COL12A1: variants seen among roughly 807,000 people sequenced by gnomAD.
COL12A1 encodes the protein collagen type XII alpha 1 chain, also known as collagen alpha-1(XII) chain.
In COL12A1, 114 loss-of-function variants were observed where a neutral mutation model predicts 349.7. That is an observed-to-expected ratio of 0.33 (90% CI 0.28 to 0.38). The LOEUF is 0.38. Ranked by LOEUF, COL12A1 falls within the 10% of genes least tolerant of loss-of-function variation. The pLI is 1.00. For missense variants in COL12A1, 3,284 were observed against 3,756.9 expected (o/e 0.87, Z 3.29); for synonymous variants, 1,369 against 1,329.0 (o/e 1.03, Z -0.66).
At chr6:75,102,085 CG>C (rs1221544729) in intron 56 of COL12A1, 33 bp from the exon 57 acceptor site, 9 of 1,604,614 alleles carry the variant, frequency 5.6e-6, no homozygotes, top group Non-Finnish European at 7.7e-6. Flanking sequence ...AGTTCTCAGG[CG>C]TTTCACAGAG....
chr6:75,100,379 A>T (rs892206777), intron 58 of COL12A1, among the ~76,000 whole-genome samples: 1 of 152,166 alleles, frequency 6.6e-6, no homozygotes. Flanking sequence ...AAGTCAGCCC[A>T]TTGCCACTTC....
intron 33 of COL12A1, 50 bp from the exon 34 acceptor site, chr6:75,133,472 G>A: frequency 6.4e-7 from 1 of 1,560,502 alleles, no homozygotes; most frequent in South Asian, 1.2e-5. Context: ...ATTTGTGAAA[G>A]AAATAATAAT....
At chr6:75,151,658 T>C (rs185104592) in intron 20 of COL12A1, among the ~76,000 whole-genome samples, 6 of 152,306 alleles carry the variant, frequency 3.9e-5, no homozygotes, top group African/African-American at 1.4e-4. Context: ...CTTCTTGATC[T>C]ATTAATTTTC....
chr6:75,088,481 GAGGA>G (rs928490168), intron 64 of COL12A1, among the ~76,000 whole-genome samples: 104 of 151,300 alleles, frequency 6.9e-4, no homozygotes, highest in African/African-American at 2.4e-3. Context: ...AATAGGAAGG[GAGGA>G]AGGAAGGAAG....
At chr6:75,122,731 A>G (rs1765808139) in intron 43 of COL12A1, among the ~76,000 whole-genome samples, 1 of 152,252 alleles carries the variant, frequency 6.6e-6, no homozygotes, top group Non-Finnish European at 1.5e-5. Context: ...TGCTGGAAAC[A>G]GCATATGAGA....
At position 75,126,486 on chromosome 6, in the gene COL12A1, GAC is replaced by G. The variant is rs1205685373; in HGVS notation, c.6341-18_6341-17del. The G allele has an allele frequency of 6.2e-7, 1 of 1,606,908 alleles. No homozygotes were observed. The highest frequency in any genetic ancestry group is 2.2e-5 in the East Asian group (1 of 44,642). On this transcript the variant is annotated splice_polypyrimidine_tract_variant and intron_variant, in intron 38 of 65. Transcript: ENST00000322507. ...AGGAGTCCCACTGAAAACAAACATT[GAC>G]ACACATTACTGACCTTTTATTGGCA...
At chr6:75,148,291 A>G in intron 22 of COL12A1, 67 bp downstream of exon 22, 2 of 1,477,800 alleles carry the variant, frequency 1.4e-6, no homozygotes, top group Non-Finnish European at 9.2e-7. Flanking sequence ...CATTATTCTC[A>G]GAGTCCTAAT....
intron 58 of COL12A1, among the ~76,000 whole-genome samples, chr6:75,098,746 G>A (rs1209178130): frequency 6.6e-5 from 10 of 151,900 alleles, no homozygotes; most frequent in Admixed American, 6.5e-4. Context: ...GTTAATTTTT[G>A]TAGTGCTCTG....
chr6:75,175,099 C>T lies in COL12A1; in HGVS notation c.2649G>A (p.Val883=). ...CAGCCCCAGACGCATACAAGGCTGT[C>T]ACAGATAAGGCGTATTGTGTCCCTT... ...LKEGTQYALS[V]TALYASGAGD... The change falls in exon 13 of 66, where the codon GTG becomes GTA. Residue 883 remains valine, a synonymous_variant. Coordinates refer to ENST00000322507, the MANE Select transcript of COL12A1 (RefSeq NM_004370.6). 1.2e-6 allele frequency: 2 copies of T among 1,614,164 alleles called. No individual in the cohort carries two copies. Among genetic ancestry groups the T allele is most frequent in the Middle Eastern group, 3.3e-4 (2 of 6,062 alleles).
At position 75,143,205 on chromosome 6, in the gene COL12A1, T is replaced by C. The variant is rs369080580; in HGVS notation, c.4827+47A>G. ...CTTGATAAAGTTCTTTTTTTAAACC[T>C]ACTAGGAAAACAAATATTTTCATAT... On this transcript the variant is annotated intron_variant, in intron 26 of 65. Transcript: ENST00000322507. 1.1e-5 allele frequency: 17 copies of C among 1,607,270 alleles called. No homozygotes were observed. The African/African-American group carries it at 2.3e-4, about 22-fold the overall frequency.
At position 75,138,323 on chromosome 6, in the gene COL12A1, GTGT is replaced by G; in HGVS notation, c.5245_5247del (p.Thr1749del). The G allele has an allele frequency of 1.2e-6, 2 of 1,608,692 alleles. No homozygotes were observed. Among genetic ancestry groups the G allele is most frequent in the Non-Finnish European group, 1.7e-6 (2 of 1,177,396 alleles). ...ATTCATCAAATTAAATTCTTACCTTGTGTTGTTAAGATAGGCACTAAAAGAAAA... is the reference window on the plus strand; with the variant it reads ...ATTCATCAAATTAAATTCTTACCTTGTGTTAAGATAGGCACTAAAAGAAAA... On this transcript the variant is annotated inframe_deletion, in exon 30 of 66. Coordinates refer to ENST00000322507, the MANE Select transcript of COL12A1 (RefSeq NM_004370.6).
At chr6:75,191,044 A>T (rs1769901348) in intron 5 of COL12A1, among the ~76,000 whole-genome samples, 1 of 151,890 alleles carries the variant, frequency 6.6e-6, no homozygotes, top group African/African-American at 2.4e-5. Flanking sequence ...GAAACCCCTT[A>T]AGGATCTATC....
At chr6:75,107,424 C>T (rs577211857) in intron 52 of COL12A1, among the ~76,000 whole-genome samples, 17 of 152,182 alleles carry the variant, frequency 1.1e-4, no homozygotes, top group Middle Eastern at 3.4e-3. Flanking sequence ...GCGCCCACTA[C>T]CACGCCCAGC....
chr6:75,095,649 AAAGAT>A (rs1272841858), intron 59 of COL12A1, among the ~76,000 whole-genome samples: 2 of 140,290 alleles, frequency 1.4e-5, no homozygotes, highest in African/African-American at 5.2e-5. Flanking sequence ...AAAAAAAAAA[AAAGAT>A]AACATGAAAT....
intron 47 of COL12A1, 141 bp downstream of exon 47, chr6:75,117,241 C>G: frequency 1.3e-6 from 1 of 757,842 alleles, no homozygotes; most frequent in Non-Finnish European, 2.1e-6. Context: ...GCAATAGGAA[C>G]AGTGATTCAT....
chr6:75,085,176 G>A lies in COL12A1; in HGVS notation c.*1371C>T, dbSNP rs1034794124. The A allele has an allele frequency of 4.3e-6, 2 of 460,216 alleles. No homozygotes were observed. The highest frequency in any genetic ancestry group is 9.0e-6 in the Non-Finnish European group (2 of 222,970). The allele number at this position is 460,216 out of a possible 1,614,324, so 28.5% of individuals were successfully genotyped here. On this transcript the variant is annotated 3_prime_UTR_variant, in exon 66 of 66. Coordinates refer to ENST00000322507, the MANE Select transcript of COL12A1 (RefSeq NM_004370.6). ...CCTCCCCCAAGCCTCGCGGCGCGGC[G>A]CGTGATCTCTGGTTCACTGCCCGGG...
rs548978005 is a variant in COL12A1, at chr6:75,189,735, T to C, written c.475A>G (p.Ile159Val). 18 of 1,613,320 alleles carry C rather than the reference T, an allele frequency of 1.1e-5. No homozygotes were observed. Among genetic ancestry groups the C allele is most frequent in the Non-Finnish European group, 1.4e-5 (17 of 1,179,400 alleles). The change falls in exon 6 of 66, where the codon ATT becomes GTT. Residue 159 changes from isoleucine to valine, a missense_variant. Ile to Val is a conservative substitution (Grantham distance 29, BLOSUM62 3). This residue lies in a region of COL12A1 where 2,601 missense variants were observed against 2,824.8 expected (regional missense o/e 0.92). Coordinates refer to ENST00000322507, the MANE Select transcript of COL12A1 (RefSeq NM_004370.6). The stretch of plus-strand genomic sequence containing the variant: ...ACAAGAGCAGCAATGAAGTCTAAAA[T>C]GTACTTGAAATTATTTCTTCCCACA... ...WSVGRNNFKY[I>V]LDFIAALVSA...
chr6:75,179,892 T>C (rs1769172707), intron 11 of COL12A1, among the ~76,000 whole-genome samples: 1 of 152,246 alleles, frequency 6.6e-6, no homozygotes, highest in Admixed American at 6.5e-5. Flanking sequence ...GGAGTACACA[T>C]GTAAACAAAT....
rs16886243 is a variant in COL12A1, at chr6:75,184,365, A to G, written c.998-221T>C. ...GTCAAATTGCTGAGAAGTTAATGGA[A>G]TAAGAAAGTATTTGGAAGAAATTAA... is the stretch of plus-strand genomic sequence containing the variant. On this transcript the variant is annotated intron_variant, in intron 8 of 65. Coordinates refer to ENST00000322507, the MANE Select transcript of COL12A1 (RefSeq NM_004370.6). 0.013 allele frequency among the ~76,000 whole-genome samples: 1,981 copies of G among 152,330 alleles called. 40 individuals carry two copies. Among genetic ancestry groups the G allele is most frequent in the African/African-American group, 0.046 (1,893 of 41,570 alleles).
Sources: allele counts gnomAD v4.1 joint callset (sites outside exome capture counted in the v4.1 genomes callset), GRCh38; gene constraint gnomAD v4.1.1; regional missense constraint gnomAD v4.1.1; transcripts MANE v1.5; gene names NCBI Gene and HGNC (gene_info 2026-07-23, HGNC 2026-07-21).